DCAF6: variants seen among roughly 807,000 people sequenced by gnomAD.
The protein encoded by DCAF6 is DDB1- and CUL4-associated factor 6.
Under a neutral mutation model 125.1 loss-of-function variants are expected in DCAF6, and 54 were observed. The observed-to-expected ratio is 0.43, with a 90% confidence interval of 0.35 to 0.54. The LOEUF is 0.54. DCAF6 is among the 20% of genes least tolerant of loss of function. DCAF6 has a pLI of 0.01. For missense variants in DCAF6, 934 were observed against 1,161.7 expected (o/e 0.80, Z 2.85); for synonymous variants, 371 against 390.4 (o/e 0.95, Z 0.58).
rs557404859 is a variant in DCAF6, at chr1:167,991,420, C to A, written c.688+81C>A. The A allele has an allele frequency of 1.6e-4, 221 of 1,357,084 alleles. 4 individuals are homozygous for A. The South Asian group carries it at 3.5e-3, about 22-fold the overall frequency. The allele number at this position is 1,357,084 out of a possible 1,614,324, so 84.1% of individuals were successfully genotyped here. On this transcript the variant is annotated intron_variant, in intron 6 of 21. Coordinates refer to ENST00000367840, the MANE Select transcript of DCAF6 (RefSeq NM_001198956.2). Reference sequence around the variant, plus strand: ...TATGACATTTTCAGTTTTAAAATTTCTTGTTTGTTATAAAATTTCAGAAAA... The same window carrying A: ...TATGACATTTTCAGTTTTAAAATTTATTGTTTGTTATAAAATTTCAGAAAA...
chr1:168,072,322 A>AAAAAAAG (rs1553253848), intron 21 of DCAF6, among the ~76,000 whole-genome samples: 45 of 145,470 alleles, frequency 3.1e-4, no homozygotes, highest in African/African-American at 1.2e-3. Context: ...AAAAAAAAAA[A>AAAAAAAG]AAAGAAAAGA....
the DCAF6 span, among the ~76,000 whole-genome samples, chr1:167,882,349 G>C: frequency 6.6e-6 from 1 of 152,126 alleles, no homozygotes; most frequent in East Asian, 1.9e-4. Context: ...GCCAGGTGTG[G>C]TGGCGCATGC....
chr1:167,883,395 C>T, the DCAF6 span: 5 of 1,603,840 alleles, frequency 3.1e-6, no homozygotes, highest in Non-Finnish European at 3.4e-6. Context: ...GAATGCTAAC[C>T]TAAAACTATT....
the DCAF6 span, among the ~76,000 whole-genome samples, chr1:167,930,604 A>G: frequency 6.6e-6 from 1 of 152,206 alleles, no homozygotes; most frequent in Non-Finnish European, 1.5e-5. Flanking sequence ...GACTTTAAGG[A>G]AAGTCCAAGC....
intron 2 of DCAF6, among the ~76,000 whole-genome samples, chr1:167,964,402 A>G (rs547325546): frequency 6.6e-6 from 1 of 152,222 alleles, no homozygotes; most frequent in African/African-American, 2.4e-5. Flanking sequence ...ATTTCTGAGG[A>G]GATGTTGGAT....
At chr1:167,873,910 G>A in the DCAF6 span, among the ~76,000 whole-genome samples, 1 of 152,180 alleles carries the variant, frequency 6.6e-6, no homozygotes, top group African/African-American at 2.4e-5. Context: ...CAAACACAGA[G>A]TGGGAAAAGT....
chr1:167,999,827 G>A (rs1557955312), intron 7 of DCAF6, among the ~76,000 whole-genome samples: 1 of 152,154 alleles, frequency 6.6e-6, no homozygotes, highest in Non-Finnish European at 1.5e-5. Context: ...TTCCATATCA[G>A]TAATAAGGCT....
the DCAF6 span, among the ~76,000 whole-genome samples, chr1:167,925,442 C>CACATATATATATAT: frequency 3.6e-5 from 3 of 82,478 alleles, no homozygotes; most frequent in South Asian, 4.1e-4. Flanking sequence ...TACATATACA[C>CACATATATATATAT]ATATATATAT....
chr1:167,953,694 G>A (rs1185300384), intron 2 of DCAF6, among the ~76,000 whole-genome samples: 1 of 152,090 alleles, frequency 6.6e-6, no homozygotes, highest in South Asian at 2.1e-4. Flanking sequence ...CCGTCTCCCG[G>A]GTTCAAGCAG....
rs777283556 is a variant in DCAF6 at position 168,044,720 on chromosome 1, C to G, written c.1930+49C>G. The G allele has an allele frequency of 3.6e-5, 55 of 1,512,800 alleles. No individual in the cohort carries two copies. In the Admixed American group the frequency reaches 9.2e-4, roughly 25 times the overall value. 93.7% of individuals were successfully genotyped at this position (1,512,800 alleles called of 1,614,324 possible). A position where few individuals can be genotyped will look rare whatever the true frequency, so the allele number is the denominator to read the frequency against. On this transcript the variant is annotated intron_variant, in intron 15 of 21. Coordinates refer to ENST00000367840, the MANE Select transcript of DCAF6 (RefSeq NM_001198956.2). ...TGCTTTGTATGGGAAAATAAAAAGC[C>G]TTAATCTATGTTAATCTCTCTATAG... is the stretch of plus-strand genomic sequence containing the variant.
At chr1:167,979,836 G>A (rs1191695454) in intron 4 of DCAF6, among the ~76,000 whole-genome samples, 1 of 152,024 alleles carries the variant, frequency 6.6e-6, no homozygotes, top group Non-Finnish European at 1.5e-5. Flanking sequence ...GCAGTGAGCT[G>A]AGATCATGCC....
chr1:167,993,482 G>C, intron 7 of DCAF6, 42 bp downstream of exon 7: 1 of 1,543,420 alleles, frequency 6.5e-7, no homozygotes, highest in East Asian at 2.2e-5. Flanking sequence ...GGGCGCGGTG[G>C]CTCACGCCTG....
intron 13 of DCAF6, among the ~76,000 whole-genome samples, chr1:168,040,462 A>C (rs187997281): frequency 6.6e-6 from 1 of 151,836 alleles, no homozygotes; most frequent in Non-Finnish European, 1.5e-5. Context: ...TGGCTTAGAC[A>C]AGGATGGGAG....
the DCAF6 span, chr1:167,894,080 C>G: frequency 1.4e-6 from 1 of 692,732 alleles, no homozygotes; most frequent in Non-Finnish European, 2.7e-6. Context: ...TCTGGGACAC[C>G]TAGGGGCTGA....
chr1:168,059,988 T>C (rs1691381414), intron 17 of DCAF6, among the ~76,000 whole-genome samples: 1 of 152,186 alleles, frequency 6.6e-6, no homozygotes, highest in South Asian at 2.1e-4. Context: ...ATTTTATTTT[T>C]CTGTGAGCAG....
chr1:167,891,108 T>C, the DCAF6 span, among the ~76,000 whole-genome samples: 3 of 151,950 alleles, frequency 2.0e-5, no homozygotes, highest in African/African-American at 7.2e-5. Flanking sequence ...ATTACAGGTG[T>C]GTGCCACCGC....
At chr1:168,056,909 G>A (rs1355110204) in intron 17 of DCAF6, among the ~76,000 whole-genome samples, 2 of 152,286 alleles carry the variant, frequency 1.3e-5, no homozygotes, top group African/African-American at 2.4e-5. Flanking sequence ...GTTTTTCACT[G>A]TGTGTTTTGC....
chr1:167,896,728 G>A, the DCAF6 span: 1 of 1,405,424 alleles, frequency 7.1e-7, no homozygotes, highest in Non-Finnish European at 1.0e-6. Flanking sequence ...CAGTTATTCT[G>A]AGAACTGTTT....
intron 21 of DCAF6, among the ~76,000 whole-genome samples, chr1:168,073,773 G>A (rs1405727356): frequency 1.3e-5 from 2 of 151,626 alleles, no homozygotes; most frequent in African/African-American, 2.4e-5. Flanking sequence ...CCCTACTTAA[G>A]TAGAATAGCA....
Sources: gnomAD v4.1 joint callset for allele counts (sites outside exome capture counted in the v4.1 genomes callset) on GRCh38, gnomAD v4.1.1 for gene constraint, MANE v1.5 for transcripts, NCBI Gene and HGNC (gene_info 2026-07-23, HGNC 2026-07-21) for gene names.